Variants in CIRSR observed in about 807,000 individuals in gnomAD.
CIRSR encodes corepressor of RBPJ and splicing regulator, also known as CBF1 (RBPJ) interacting corepressor 1.
At chr2:174,375,483 C>T in the CIRSR span, among the ~76,000 whole-genome samples, 1 of 152,116 alleles carries the variant, frequency 6.6e-6, no homozygotes, top group South Asian at 2.1e-4. Context: ...TGGCTTATGC[C>T]TGTGAGTCCC....
chr2:174,364,053 G>A, the CIRSR span, among the ~76,000 whole-genome samples: 1 of 152,170 alleles, frequency 6.6e-6, no homozygotes, highest in African/African-American at 2.4e-5. Flanking sequence ...TTCTGCCTAT[G>A]AGCCTCTAAA....
At chr2:174,395,694 G>A in the CIRSR span, 1 of 1,612,754 alleles carries the variant, frequency 6.2e-7, no homozygotes, top group South Asian at 1.1e-5. Context: ...CGCCTAACCG[G>A]AACTGCGTTT....
At chr2:174,359,355 G>T in the CIRSR span, among the ~76,000 whole-genome samples, 4 of 146,800 alleles carry the variant, frequency 2.7e-5, no homozygotes, top group African/African-American at 7.5e-5. Flanking sequence ...AAAAAAAAGA[G>T]ATTTTAAATC....
chr2:174,349,564 TAAAAAAA>T, the CIRSR span, among the ~76,000 whole-genome samples: 1 of 105,128 alleles, frequency 9.5e-6, no homozygotes. Context: ...GACTCTGTCT[TAAAAAAA>T]AAAAAAAAAA....
At chr2:174,378,308 T>C in the CIRSR span, among the ~76,000 whole-genome samples, 1 of 152,218 alleles carries the variant, frequency 6.6e-6, no homozygotes, top group South Asian at 2.1e-4. Flanking sequence ...ATTTCTATTA[T>C]GATCTATTAC....
chr2:174,380,333 A>C, the CIRSR span: 32 of 988,588 alleles, frequency 3.2e-5, no homozygotes, highest in Non-Finnish European at 4.6e-5. Flanking sequence ...AAATAGTTTT[A>C]CAGTTCTAAG....
At chr2:174,354,564 ATATAT>A in the CIRSR span, among the ~76,000 whole-genome samples, 20 of 19,160 alleles carry the variant, frequency 1.0e-3, no homozygotes, top group South Asian at 2.7e-3. Context: ...TATATATTTT[ATATAT>A]TATATTATAT....
At chr2:174,356,843 T>C in the CIRSR span, among the ~76,000 whole-genome samples, 3 of 152,174 alleles carry the variant, frequency 2.0e-5, no homozygotes, top group Non-Finnish European at 2.9e-5. Context: ...CTACGGAAAA[T>C]TGCAAACCTA....
the CIRSR span, among the ~76,000 whole-genome samples, chr2:174,349,669 C>T: frequency 6.7e-6 from 1 of 149,758 alleles, no homozygotes; most frequent in African/African-American, 2.5e-5. Flanking sequence ...AGCGTGAATA[C>T]ATTAAATTAA....
chr2:174,389,824 C>T, the CIRSR span, among the ~76,000 whole-genome samples: 107 of 152,196 alleles, frequency 7.0e-4, no homozygotes, highest in African/African-American at 2.5e-3. Context: ...CAGCTATGGC[C>T]ACTGCTTCAG....
chr2:174,370,626 T>C, the CIRSR span, among the ~76,000 whole-genome samples: 2 of 152,178 alleles, frequency 1.3e-5, no homozygotes, highest in Non-Finnish European at 2.9e-5. Flanking sequence ...GAAAAATACA[T>C]TCTACGGGCT....
At chr2:174,372,715 T>C in the CIRSR span, among the ~76,000 whole-genome samples, 3 of 152,178 alleles carry the variant, frequency 2.0e-5, no homozygotes, top group African/African-American at 7.2e-5. Flanking sequence ...CCTGAGTGGC[T>C]GGGATTACAG....
the CIRSR span, among the ~76,000 whole-genome samples, chr2:174,367,329 C>G: frequency 3.7e-4 from 57 of 152,208 alleles, 1 homozygote; most frequent in African/African-American, 1.3e-3. Context: ...CCTGTATTCC[C>G]AGCACTTTGG....
the CIRSR span, among the ~76,000 whole-genome samples, chr2:174,379,716 CTTTTTTTTT>C: frequency 1.2e-5 from 1 of 83,718 alleles, no homozygotes; most frequent in African/African-American, 4.5e-5. Flanking sequence ...TGATTCCTGT[CTTTTTTTTT>C]TTTTTTTTTT....
the CIRSR span, among the ~76,000 whole-genome samples, chr2:174,378,092 T>C: frequency 1.3e-5 from 2 of 152,126 alleles, no homozygotes; most frequent in Non-Finnish European, 2.9e-5. Context: ...GCCCAGAGCA[T>C]CTGCTTCAAT....
At chr2:174,356,907 A>C in the CIRSR span, among the ~76,000 whole-genome samples, 1 of 152,294 alleles carries the variant, frequency 6.6e-6, no homozygotes, top group East Asian at 1.9e-4. Flanking sequence ...CTTAGCTATT[A>C]CTTCCAAATT....
At chr2:174,376,054 T>G in the CIRSR span, among the ~76,000 whole-genome samples, 1 of 151,972 alleles carries the variant, frequency 6.6e-6, no homozygotes, top group African/African-American at 2.4e-5. Context: ...AGAGATGGGG[T>G]TTCATCACGT....
chr2:174,353,348 C>T, the CIRSR span, among the ~76,000 whole-genome samples: 22 of 152,038 alleles, frequency 1.4e-4, no homozygotes, highest in Non-Finnish European at 2.5e-4. Flanking sequence ...ACTTTAATGG[C>T]CCTTTAATTA....
the CIRSR span, among the ~76,000 whole-genome samples, chr2:174,364,263 C>T: frequency 9.2e-5 from 14 of 152,198 alleles, no homozygotes; most frequent in African/African-American, 2.7e-4. Flanking sequence ...ATCCAGGTCA[C>T]GCTGATACAA....
Sources: gnomAD v4.1 joint callset for allele counts (sites outside exome capture counted in the v4.1 genomes callset) on GRCh38, gnomAD v4.1.1 for gene constraint, MANE v1.5 for transcripts, NCBI Gene and HGNC (gene_info 2026-07-23, HGNC 2026-07-21) for gene names.